KAZN: variants seen among roughly 807,000 people sequenced by gnomAD.
The protein encoded by KAZN is kazrin.
KAZN carries 40 observed loss-of-function variants against 87.4 expected under a neutral mutation model. That is an observed-to-expected ratio of 0.46 (90% CI 0.36 to 0.60). KAZN has a LOEUF of 0.60. KAZN is among the 20% of genes least tolerant of loss of function. The probability of loss-of-function intolerance (pLI) is 0.00; values close to 1 mark genes in which losing one functional copy is unlikely to be tolerated. For missense variants in KAZN, 898 were observed against 1,073.9 expected, an observed-to-expected ratio of 0.84 and a Z score of 2.29; for synonymous variants, 466 against 458.3, an observed-to-expected ratio of 1.02 and a Z score of -0.22.
At chr1:14,420,395 C>T (rs1274620175) in intron 2 of KAZN, among the ~76,000 whole-genome samples, 1 of 152,202 alleles carries the variant, frequency 6.6e-6, no homozygotes, top group African/African-American at 2.4e-5. Context: ...CTCCAAGTAC[C>T]CACCCGACTC....
At chr1:13,988,334 T>C (rs1416307545) in intron 1 of KAZN, among the ~76,000 whole-genome samples, 1 of 152,124 alleles carries the variant, frequency 6.6e-6, no homozygotes, top group Admixed American at 6.6e-5. Flanking sequence ...TGTTAGCTGC[T>C]GTAACACACA....
intron 2 of KAZN, among the ~76,000 whole-genome samples, chr1:14,443,367 C>CT (rs1454926150): frequency 1.3e-5 from 2 of 152,194 alleles, no homozygotes; most frequent in Non-Finnish European, 2.9e-5. Context: ...CAGTCTACCT[C>CT]TGTGGGCCAG....
At chr1:14,894,277 C>T (rs1031131367) in intron 1 of KAZN, among the ~76,000 whole-genome samples, 1 of 152,182 alleles carries the variant, frequency 6.6e-6, no homozygotes, top group African/African-American at 2.4e-5. Flanking sequence ...CATCCTCCAT[C>T]CCTGCTTTGC....
intron 1 of KAZN, among the ~76,000 whole-genome samples, chr1:14,165,476 G>T (rs1243452876): frequency 6.6e-6 from 1 of 152,044 alleles, no homozygotes; most frequent in Non-Finnish European, 1.5e-5. Flanking sequence ...GCTCACCCAG[G>T]TCTCTGAGAA....
At chr1:14,712,884 T>A (rs1642561468) in intron 1 of KAZN, among the ~76,000 whole-genome samples, 1 of 152,194 alleles carries the variant, frequency 6.6e-6, no homozygotes, top group South Asian at 2.1e-4. Context: ...CACACCACAA[T>A]AAAGAGCATC....
chr1:14,429,157 T>C (rs1665906034), intron 2 of KAZN, among the ~76,000 whole-genome samples: 1 of 152,008 alleles, frequency 6.6e-6, no homozygotes, highest in African/African-American at 2.4e-5. Context: ...CTCTAGAAAA[T>C]CAGGCTTTAA....
intron 1 of KAZN, among the ~76,000 whole-genome samples, chr1:14,133,666 A>G (rs575715867): frequency 6.6e-6 from 1 of 152,250 alleles, no homozygotes; most frequent in Admixed American, 6.5e-5. Context: ...TTGACCAAGC[A>G]GAGTCCTCAC....
At chr1:14,558,648 A>G (rs1311757090) in intron 2 of KAZN, among the ~76,000 whole-genome samples, 1 of 152,180 alleles carries the variant, frequency 6.6e-6, no homozygotes, top group Non-Finnish European at 1.5e-5. Context: ...AGTATCAGGT[A>G]TATACAGTAG....
intron 2 of KAZN, among the ~76,000 whole-genome samples, chr1:14,528,805 T>C (rs1672053466): frequency 6.6e-6 from 1 of 151,772 alleles, no homozygotes; most frequent in Non-Finnish European, 1.5e-5. Flanking sequence ...GACTCTTCTT[T>C]TCTCCAGGCT....
At chr1:14,890,018 C>T (rs913537746) in intron 1 of KAZN, among the ~76,000 whole-genome samples, 1 of 152,166 alleles carries the variant, frequency 6.6e-6, no homozygotes, top group African/African-American at 2.4e-5. Flanking sequence ...CTTTTTATGT[C>T]GTCAACCTGC....
Position 14,154,953 on chromosome 1 carries a change from T to TTCCTTCCTTCCTTCCTTCCTTC in KAZN, c.92-25482_92-25481insTCCTTCCTTCCTTCCTTCCTTC, listed in dbSNP as rs1553136613. Among the ~76,000 whole-genome samples the TTCCTTCCTTCCTTCCTTCCTTC allele has an allele frequency of 6.7e-5, 9 of 134,882 alleles. No individual in the cohort carries two copies. The East Asian group carries it at 1.1e-3, about 17-fold the overall frequency. The allele number at this position is 134,882 out of a possible 152,430, so 88.5% of individuals were successfully genotyped here. ...TCATCAGAGATTGGCTTGTAGTTTT[T>TTCCTTCCTTCCTTCCTTCCTTC]CTTCCTTCCTTCCTTCCTTCCTTCC... On this transcript the variant is annotated intron_variant, in intron 1 of 16. Transcript: ENST00000636203.
chr1:13,956,291 C>A (rs1228093580), intron 1 of KAZN, among the ~76,000 whole-genome samples: 2 of 143,674 alleles, frequency 1.4e-5, no homozygotes, highest in Non-Finnish European at 3.0e-5. Flanking sequence ...GTTACTACAT[C>A]ATTTCTTTTC....
At chr1:14,117,728 G>A (rs1347283469) in intron 1 of KAZN, among the ~76,000 whole-genome samples, 1 of 152,142 alleles carries the variant, frequency 6.6e-6, no homozygotes, top group Non-Finnish European at 1.5e-5. Flanking sequence ...TAGCCTCTCT[G>A]ATCTTCTATA....
intron 1 of KAZN, among the ~76,000 whole-genome samples, chr1:14,757,851 A>G (rs918781349): frequency 2.0e-5 from 3 of 152,122 alleles, no homozygotes; most frequent in African/African-American, 7.2e-5. Flanking sequence ...TGTTTATAGA[A>G]CCTGTCGCCA....
intron 1 of KAZN, among the ~76,000 whole-genome samples, chr1:14,175,523 C>T (rs1013892653): frequency 9.2e-5 from 14 of 152,128 alleles, no homozygotes; most frequent in South Asian, 4.1e-4. Flanking sequence ...TAGAACAAAG[C>T]GAAACTTAGG....
At chr1:14,951,124 T>A (rs1027214959) in intron 1 of KAZN, among the ~76,000 whole-genome samples, 4 of 152,152 alleles carry the variant, frequency 2.6e-5, no homozygotes, top group African/African-American at 9.7e-5. Flanking sequence ...ATAACTGTTA[T>A]CACCTGGGCA....
At chr1:14,466,855 G>C (rs1668177290) in intron 2 of KAZN, among the ~76,000 whole-genome samples, 1 of 152,168 alleles carries the variant, frequency 6.6e-6, no homozygotes. Context: ...TGTGGTCCCA[G>C]CTACTTGGGA....
chr1:15,086,635 C>T (rs1014884894), intron 8 of KAZN, among the ~76,000 whole-genome samples: 1 of 152,070 alleles, frequency 6.6e-6, no homozygotes, highest in Admixed American at 6.6e-5. Flanking sequence ...TTTAAGCAAA[C>T]GTTATCAGTA....
At chr1:14,294,354 T>C (rs1366793305) in intron 2 of KAZN, among the ~76,000 whole-genome samples, 1 of 151,968 alleles carries the variant, frequency 6.6e-6, no homozygotes, top group African/African-American at 2.4e-5. Flanking sequence ...ATCCAAGGAG[T>C]GGAGACCCAC....
Sources: allele counts gnomAD v4.1 joint callset (sites outside exome capture counted in the v4.1 genomes callset), GRCh38; gene constraint gnomAD v4.1.1; transcripts MANE v1.5; gene names NCBI Gene and HGNC (gene_info 2026-07-23, HGNC 2026-07-21).